USP32: variants seen among roughly 807,000 people sequenced by gnomAD.
USP32 encodes the protein ubiquitin carboxyl-terminal hydrolase 32.
USP32 carries 59 observed loss-of-function variants against 204.8 expected under a neutral mutation model. The observed-to-expected ratio is 0.29, with a 90% confidence interval of 0.23 to 0.36. USP32 has a LOEUF of 0.36. USP32 is among the 10% of genes least tolerant of loss of function. The probability of loss-of-function intolerance (pLI) is 1.00; values close to 1 mark genes in which losing one functional copy is unlikely to be tolerated. For missense variants in USP32, 1,160 were observed against 1,946.4 expected, an observed-to-expected ratio of 0.60 and a Z score of 7.60; for synonymous variants, 517 against 678.4, an observed-to-expected ratio of 0.76 and a Z score of 3.70.
intron 9 of USP32, chr17:60,258,073 A>G: frequency 6.3e-6 from 1 of 158,670 alleles, no homozygotes. Flanking sequence ...AAGAAGATGG[A>G]GATCAAGACA....
At chr17:60,199,071 G>A (rs773265122) in intron 26 of USP32, among the ~76,000 whole-genome samples, 3 of 151,378 alleles carry the variant, frequency 2.0e-5, no homozygotes, top group Admixed American at 6.6e-5. Flanking sequence ...AGCTGTGATC[G>A]TGCCACTGCA....
intron 12 of USP32, among the ~76,000 whole-genome samples, chr17:60,232,687 C>T (rs957729947): frequency 6.6e-6 from 1 of 151,536 alleles, no homozygotes; most frequent in African/African-American, 2.4e-5. Context: ...GCTGGGATTA[C>T]AGGCATACAC....
intron 1 of USP32, among the ~76,000 whole-genome samples, chr17:60,378,830 G>A (rs1046246981): frequency 6.6e-6 from 1 of 152,072 alleles, no homozygotes; most frequent in Non-Finnish European, 1.5e-5. Flanking sequence ...TTCTGGAAAT[G>A]GATAGTGGTG....
intron 33 of USP32, among the ~76,000 whole-genome samples, chr17:60,179,776 T>G (rs2084054027): frequency 6.6e-6 from 1 of 152,196 alleles, no homozygotes; most frequent in Non-Finnish European, 1.5e-5. Flanking sequence ...GTTCAAGCGA[T>G]TCTGCTGCCT....
intron 1 of USP32, among the ~76,000 whole-genome samples, chr17:60,349,624 T>TA (rs1491225872): frequency 2.3e-3 from 140 of 60,188 alleles, no homozygotes; most frequent in Middle Eastern, 0.019. Flanking sequence ...TATATATATA[T>TA]TATATATATA....
At chr17:60,391,833 G>T in intron 1 of USP32, 49 bp downstream of exon 1, 10 of 1,544,008 alleles carry the variant, frequency 6.5e-6, no homozygotes, top group African/African-American at 2.7e-5. Context: ...CCTCCAGGCT[G>T]CCCGTCGCGG....
At chr17:60,233,067 G>T (rs1185224525) in intron 12 of USP32, among the ~76,000 whole-genome samples, 1 of 152,108 alleles carries the variant, frequency 6.6e-6, no homozygotes, top group Admixed American at 6.6e-5. Flanking sequence ...TTTATTCAAG[G>T]TCATAAAGCA....
At chr17:60,308,542 A>T (rs1424768042) in intron 2 of USP32, among the ~76,000 whole-genome samples, 1 of 152,252 alleles carries the variant, frequency 6.6e-6, no homozygotes, top group African/African-American at 2.4e-5. Context: ...CAATCCACTC[A>T]TCTTCACGAA....
At chr17:60,399,760 G>C (rs545426093) in intron 1 of USP32, among the ~76,000 whole-genome samples, 1 of 152,258 alleles carries the variant, frequency 6.6e-6, no homozygotes, top group Non-Finnish European at 1.5e-5. Context: ...ATTGGAAGGA[G>C]AGAATGAAGC....
chr17:60,185,634 C>T lies in USP32; in HGVS notation c.3660G>A (p.Glu1220=), dbSNP rs1452005594. Residue 1220 remains glutamate, a synonymous_variant, in exon 30 of 34, where the codon GAG becomes GAA. Coordinates refer to ENST00000300896, the MANE Select transcript of USP32 (RefSeq NM_032582.4). The part of the protein sequence containing the change: ...TSQERVVDEH[E]SVEQSRRAQA... ...GCGCTCGCCGACTCTGCTCCACACT[C>T]TCATGCTCATCTACAACCTGCAGGT... 6.2e-7 allele frequency: 1 copy of T among 1,611,172 alleles called. No homozygotes were observed. Among genetic ancestry groups the T allele is most frequent in the Non-Finnish European group, 8.5e-7 (1 of 1,179,174 alleles).
At chr17:60,392,501 A>G (rs900923799), upstream of USP32, 22 of 282,190 alleles carry the variant, frequency 7.8e-5, no homozygotes, top group African/African-American at 4.2e-4. Flanking sequence ...CCCCGCGCCC[A>G]CATGTTCTGG....
chr17:60,282,736 C>T (rs897474897), intron 5 of USP32, among the ~76,000 whole-genome samples: 1 of 152,128 alleles, frequency 6.6e-6, no homozygotes, highest in African/African-American at 2.4e-5. Flanking sequence ...CTTGGTCCTT[C>T]TCCCCTTGGT....
intron 26 of USP32, among the ~76,000 whole-genome samples, chr17:60,204,096 T>C (rs904630298): frequency 6.6e-6 from 1 of 152,122 alleles, no homozygotes; most frequent in Non-Finnish European, 1.5e-5. Flanking sequence ...CAACCTTTAA[T>C]GCAATAGTTA....
intron 1 of USP32, among the ~76,000 whole-genome samples, chr17:60,391,245 A>T (rs1237350782): frequency 1.3e-5 from 2 of 152,240 alleles, no homozygotes; most frequent in African/African-American, 2.4e-5. Context: ...GTCTGGTGCC[A>T]ACGCCAGCTG....
chr17:60,226,278 C>A (rs1280081821), intron 12 of USP32, 47 bp from the exon 13 acceptor site: 1 of 1,467,006 alleles, frequency 6.8e-7, no homozygotes, highest in South Asian at 1.5e-5. Flanking sequence ...TATAATCTGA[C>A]AACTATGTAG....
intron 4 of USP32, among the ~76,000 whole-genome samples, chr17:60,294,098 G>A (rs927918466): frequency 3.3e-5 from 5 of 152,098 alleles, no homozygotes; most frequent in South Asian, 2.1e-4. Context: ...TAGAGTCGGG[G>A]TCTTGCTACA....
chr17:60,292,476 A>G (rs1252652868), intron 4 of USP32, among the ~76,000 whole-genome samples: 1 of 152,168 alleles, frequency 6.6e-6, no homozygotes, highest in Non-Finnish European at 1.5e-5. Context: ...ACTCTTAGCC[A>G]TCTCAGTTAG....
At chr17:60,189,430 C>T (rs2084324595) in intron 29 of USP32, among the ~76,000 whole-genome samples, 3 of 152,170 alleles carry the variant, frequency 2.0e-5, no homozygotes, top group Non-Finnish European at 2.9e-5. Flanking sequence ...AAGGAAATTT[C>T]CAACTATCAA....
chr17:60,256,670 G>T, intron 9 of USP32: 1 of 1,086,938 alleles, frequency 9.2e-7, no homozygotes, highest in Non-Finnish European at 1.1e-6. Flanking sequence ...TCCCACTGTA[G>T]TGTGGTATCT....
Sources: gnomAD v4.1 joint callset for allele counts (sites outside exome capture counted in the v4.1 genomes callset) on GRCh38, gnomAD v4.1.1 for gene constraint, MANE v1.5 for transcripts, NCBI Gene and HGNC (gene_info 2026-07-23, HGNC 2026-07-21) for gene names.